Variants in CADM2 observed in about 807,000 individuals in gnomAD.
CADM2 encodes the protein cell adhesion molecule 2.
A neutral mutation model predicts 49.8 loss-of-function variants in CADM2; 12 were observed. That is an observed-to-expected ratio of 0.24 (90% CI 0.15 to 0.39). CADM2 has a LOEUF of 0.39. CADM2 is among the 10% of genes least tolerant of loss of function. The pLI, the probability that CADM2 is intolerant of heterozygous loss-of-function variation, is 1.00. For missense variants in CADM2, 378 were observed against 492.3 expected, an observed-to-expected ratio of 0.77 and a Z score of 2.20; for synonymous variants, 214 against 175.4, an observed-to-expected ratio of 1.22 and a Z score of -1.74.
chr3:85,341,409 A>G (rs1206534206), intron 1 of CADM2, among the ~76,000 whole-genome samples: 1 of 151,948 alleles, frequency 6.6e-6, no homozygotes. Flanking sequence ...ATGGTAAACT[A>G]AAAATGGTTA....
chr3:85,353,374 A>G (rs1484080779), intron 1 of CADM2, among the ~76,000 whole-genome samples: 2 of 152,022 alleles, frequency 1.3e-5, no homozygotes, highest in Admixed American at 1.3e-4. Flanking sequence ...TTTCATGTTT[A>G]CCTTTGCTTT....
At chr3:85,686,361 T>G (rs1477622928) in intron 1 of CADM2, among the ~76,000 whole-genome samples, 4 of 152,152 alleles carry the variant, frequency 2.6e-5, no homozygotes. Context: ...TTTTAAAAAA[T>G]GGTAACGCTG....
intron 1 of CADM2, among the ~76,000 whole-genome samples, chr3:84,988,882 A>C (rs148177043): frequency 1.6e-3 from 251 of 152,274 alleles, no homozygotes; most frequent in African/African-American, 5.6e-3. Flanking sequence ...ACTCTGCCTA[A>C]ACTGTTGTAC....
rs563679207 is a variant in CADM2, at chr3:85,347,382, A to T, written c.62-379140A>T. On this transcript the variant is annotated intron_variant, in intron 1 of 9. Transcript: ENST00000383699. ...AAGTGATCACGTATGTATAATTTTA[A>T]GGACAATATTGTACTTTTTAATATC... is the stretch of plus-strand genomic sequence containing the variant. Among the ~76,000 whole-genome samples the T allele has an allele frequency of 8.3e-3, 1,245 of 150,072 alleles. 15 individuals are homozygous for T. Among genetic ancestry groups the T allele is most frequent in the African/African-American group, 0.029 (1,187 of 41,136 alleles).
At chr3:85,314,328 A>G (rs1487373437) in intron 1 of CADM2, among the ~76,000 whole-genome samples, 1 of 152,038 alleles carries the variant, frequency 6.6e-6, no homozygotes, top group Non-Finnish European at 1.5e-5. Context: ...TTTTTTTCTT[A>G]TTAAAAAACC....
intron 3 of CADM2, among the ~76,000 whole-genome samples, chr3:85,826,468 A>C (rs2073917253): frequency 2.0e-5 from 3 of 152,020 alleles, no homozygotes; most frequent in Non-Finnish European, 4.4e-5. Flanking sequence ...CTTAAAATGA[A>C]TTTTTATCAC....
At chr3:85,353,038 T>C (rs2031501727) in intron 1 of CADM2, among the ~76,000 whole-genome samples, 1 of 152,192 alleles carries the variant, frequency 6.6e-6, no homozygotes, top group African/African-American at 2.4e-5. Flanking sequence ...TTAAATGCTT[T>C]GAACATATTC....
intron 1 of CADM2, among the ~76,000 whole-genome samples, chr3:85,352,555 C>T (rs2031453124): frequency 6.6e-6 from 1 of 151,984 alleles, no homozygotes; most frequent in Non-Finnish European, 1.5e-5. Context: ...CCAGGTCTGA[C>T]TTTGTTTACT....
intron 7 of CADM2, among the ~76,000 whole-genome samples, chr3:85,946,817 A>T (rs917112470): frequency 4.6e-5 from 7 of 152,182 alleles, no homozygotes; most frequent in Non-Finnish European, 1.0e-4. Context: ...AAAGACTTAA[A>T]CGTTAGACCT....
intron 1 of CADM2, among the ~76,000 whole-genome samples, chr3:85,616,094 C>A (rs2063794020): frequency 6.6e-6 from 1 of 151,764 alleles, no homozygotes; most frequent in African/African-American, 2.4e-5. Context: ...TCGAGGTAAG[C>A]TGTGATTGTC....
At chr3:85,152,363 A>T (rs1559691172) in intron 1 of CADM2, among the ~76,000 whole-genome samples, 1 of 152,134 alleles carries the variant, frequency 6.6e-6, no homozygotes, top group Non-Finnish European at 1.5e-5. Flanking sequence ...GACTGTAGTT[A>T]TGGAAATCTC....
intron 1 of CADM2, among the ~76,000 whole-genome samples, chr3:85,519,826 A>C (rs1050319913): frequency 3.9e-5 from 6 of 152,088 alleles, no homozygotes; most frequent in Admixed American, 3.9e-4. Flanking sequence ...GTACTATTTT[A>C]AATATATGAA....
intron 1 of CADM2, among the ~76,000 whole-genome samples, chr3:85,186,615 C>A (rs1398000175): frequency 6.6e-6 from 1 of 151,894 alleles, no homozygotes; most frequent in Admixed American, 6.6e-5. Flanking sequence ...ATATTTCCTT[C>A]TTTTGAGAGC....
chr3:85,074,498 A>T (rs1224320132), intron 1 of CADM2, among the ~76,000 whole-genome samples: 1 of 152,112 alleles, frequency 6.6e-6, no homozygotes, highest in Non-Finnish European at 1.5e-5. Flanking sequence ...AAAAACTTGA[A>T]GTTGTGACAA....
At chr3:84,978,828 T>C (rs958144942) in intron 1 of CADM2, among the ~76,000 whole-genome samples, 4 of 152,216 alleles carry the variant, frequency 2.6e-5, no homozygotes, top group Non-Finnish European at 5.9e-5. Flanking sequence ...GAAATATGTT[T>C]TAGCAAAATT....
At chr3:85,870,037 G>A (rs1007286614) in intron 3 of CADM2, among the ~76,000 whole-genome samples, 1 of 152,108 alleles carries the variant, frequency 6.6e-6, no homozygotes, top group African/African-American at 2.4e-5. Flanking sequence ...AATGTGTATG[G>A]CAGGAGATTA....
At chr3:85,854,720 G>T (rs1465400083) in intron 3 of CADM2, among the ~76,000 whole-genome samples, 1 of 152,042 alleles carries the variant, frequency 6.6e-6, no homozygotes, top group Non-Finnish European at 1.5e-5. Context: ...TATAGCATGT[G>T]TATACCTATG....
At chr3:85,351,281 C>G (rs950462064) in intron 1 of CADM2, among the ~76,000 whole-genome samples, 38 of 152,150 alleles carry the variant, frequency 2.5e-4, no homozygotes, top group African/African-American at 9.2e-4. Context: ...CAGCTGGTAT[C>G]GCTTACCATA....
intron 1 of CADM2, among the ~76,000 whole-genome samples, chr3:85,539,522 G>C (rs1337436681): frequency 1.3e-5 from 2 of 151,874 alleles, no homozygotes; most frequent in African/African-American, 4.8e-5. Context: ...TGGTATAGAT[G>C]CTCTAGCTCT....
Sources: allele counts gnomAD v4.1 joint callset (sites outside exome capture counted in the v4.1 genomes callset), GRCh38; gene constraint gnomAD v4.1.1; transcripts MANE v1.5; gene names NCBI Gene and HGNC (gene_info 2026-07-23, HGNC 2026-07-21).